CNTN5: variants seen among roughly 807,000 people sequenced by gnomAD.
The protein encoded by CNTN5 is contactin 5, also known as contactin-5.
In CNTN5, 77 loss-of-function variants were observed where a neutral mutation model predicts 129.1. That is an observed-to-expected ratio of 0.60 (90% CI 0.50 to 0.72). The LOEUF is 0.72. CNTN5 is among the 30% of genes least tolerant of loss of function. CNTN5 has a pLI of 0.00. For synonymous variants in CNTN5, 509 were observed against 465.6 expected, an observed-to-expected ratio of 1.09 and a Z score of -1.20; for missense variants, 1,478 against 1,328.8, an observed-to-expected ratio of 1.11 and a Z score of -1.75.
chr11:100,141,766 T>C (rs1946703337), intron 13 of CNTN5, among the ~76,000 whole-genome samples: 1 of 152,184 alleles, frequency 6.6e-6, no homozygotes, highest in South Asian at 2.1e-4. Context: ...AGCATATGTG[T>C]AATTTATGGT....
chr11:99,610,130 C>A (rs1249085018), intron 3 of CNTN5, among the ~76,000 whole-genome samples: 3 of 152,106 alleles, frequency 2.0e-5, no homozygotes, highest in Non-Finnish European at 2.9e-5. Context: ...AACACTTAAC[C>A]CTGCTTTCTA....
intron 3 of CNTN5, among the ~76,000 whole-genome samples, chr11:99,710,846 T>A (rs1954956039): frequency 1.3e-5 from 2 of 151,922 alleles, no homozygotes; most frequent in South Asian, 4.1e-4. Context: ...CCTTTAGAAG[T>A]AAATTTTATG....
chr11:99,533,248 T>C (rs1442792166), intron 2 of CNTN5, among the ~76,000 whole-genome samples: 1 of 152,060 alleles, frequency 6.6e-6, no homozygotes, highest in African/African-American at 2.4e-5. Context: ...AACAAACAAA[T>C]GACAACAACA....
intron 1 of CNTN5, among the ~76,000 whole-genome samples, chr11:99,074,825 A>G (rs1373948711): frequency 1.3e-5 from 2 of 152,354 alleles, no homozygotes; most frequent in African/African-American, 4.8e-5. Context: ...TCAAAAAGAA[A>G]AAGAAAAAGA....
chr11:100,046,054 C>T (rs1245572211), intron 9 of CNTN5, among the ~76,000 whole-genome samples: 1 of 147,494 alleles, frequency 6.8e-6, no homozygotes, highest in Non-Finnish European at 1.5e-5. Context: ...TGTGCTGCAC[C>T]CATTAACTCA....
intron 1 of CNTN5, among the ~76,000 whole-genome samples, chr11:99,214,408 TA>T (rs1237461708): frequency 6.7e-6 from 1 of 148,510 alleles, no homozygotes; most frequent in African/African-American, 2.4e-5. Flanking sequence ...TAAATATATA[TA>T]TATATAATGT....
At position 99,574,898 on chromosome 11, in the gene CNTN5, A is replaced by G. The variant is rs185904356; in HGVS notation, c.55+18629A>G. Among the ~76,000 whole-genome samples, 28 of 152,188 alleles carry G rather than the reference A, an allele frequency of 1.8e-4. 1 individual carries two copies. The highest frequency in any genetic ancestry group is 3.7e-4 in the Non-Finnish European group (25 of 67,978). On this transcript the variant is annotated intron_variant, in intron 3 of 24. Coordinates refer to ENST00000524871, the MANE Select transcript of CNTN5 (RefSeq NM_014361.4). ...TTCTGATGATAGTTTCTTTTGCTGT[A>G]CAGAAGCTCTTTAGTCAGAAATGAC...
chr11:100,168,861 C>T (rs1947736273), intron 13 of CNTN5, among the ~76,000 whole-genome samples: 2 of 151,908 alleles, frequency 1.3e-5, no homozygotes, highest in African/African-American at 2.4e-5. Flanking sequence ...CCATTAAGAA[C>T]ATTCATAGTT....
intron 13 of CNTN5, among the ~76,000 whole-genome samples, chr11:100,149,836 G>A (rs1946991762): frequency 1.3e-5 from 2 of 149,420 alleles, no homozygotes; most frequent in Non-Finnish European, 1.5e-5. Context: ...GGAGCTTGCA[G>A]TGAGCCGAGC....
intron 2 of CNTN5, among the ~76,000 whole-genome samples, chr11:99,380,551 T>C (rs1282877699): frequency 6.6e-6 from 1 of 151,952 alleles, no homozygotes; most frequent in Non-Finnish European, 1.5e-5. Flanking sequence ...AGGTGGATCA[T>C]CTGAGGTCAG....
chr11:100,279,789 A>G (rs568966151), intron 18 of CNTN5, among the ~76,000 whole-genome samples: 2 of 149,548 alleles, frequency 1.3e-5, no homozygotes, highest in South Asian at 4.2e-4. Flanking sequence ...TCTTCATTTC[A>G]TTTATTTCTG....
rs189866883 is a variant in CNTN5, at chr11:99,665,941, A to G, written c.55+109672A>G. 4.3e-5 allele frequency among the ~76,000 whole-genome samples: 6 copies of G among 140,036 alleles called. No homozygotes were observed. In the East Asian group the frequency reaches 1.2e-3, roughly 28 times the overall value. The allele number at this position is 140,036 out of a possible 152,430, so 91.9% of individuals were successfully genotyped here. ...CTTAGAAGAAGAGCACAATTATCAAATTGTTAACTGTTTTTTTTTGTTTTT... is the reference window on the plus strand; with the variant it reads ...CTTAGAAGAAGAGCACAATTATCAAGTTGTTAACTGTTTTTTTTTGTTTTT... On this transcript the variant is annotated intron_variant, in intron 3 of 24. Transcript: ENST00000524871.
chr11:99,238,676 T>C (rs1350139381), intron 1 of CNTN5, among the ~76,000 whole-genome samples: 1 of 152,110 alleles, frequency 6.6e-6, no homozygotes, highest in African/African-American at 2.4e-5. Flanking sequence ...TTTGTCAAAA[T>C]TTTCACTAAG....
At chr11:100,214,918 C>A (rs1001874233) in intron 15 of CNTN5, among the ~76,000 whole-genome samples, 1 of 152,164 alleles carries the variant, frequency 6.6e-6, no homozygotes, top group Non-Finnish European at 1.5e-5. Context: ...AGTTGCTAAG[C>A]CTTCAGCTGG....
intron 4 of CNTN5, among the ~76,000 whole-genome samples, chr11:99,839,235 A>G (rs1022738503): frequency 5.9e-5 from 9 of 152,196 alleles, no homozygotes; most frequent in African/African-American, 1.7e-4. Context: ...ACTTCAAGAC[A>G]AATATCAGTT....
intron 2 of CNTN5, among the ~76,000 whole-genome samples, chr11:99,542,006 C>A (rs1319486183): frequency 5.0e-5 from 7 of 140,920 alleles, no homozygotes; most frequent in African/African-American, 7.9e-5. Flanking sequence ...AATGTGGGGA[C>A]AAATATTTTC....
chr11:100,344,945 T>C (rs1952246154), intron 23 of CNTN5, among the ~76,000 whole-genome samples: 1 of 152,120 alleles, frequency 6.6e-6, no homozygotes, highest in Non-Finnish European at 1.5e-5. Flanking sequence ...ATAAAAAATA[T>C]ATCAGTACAT....
At chr11:99,675,298 C>G (rs537451487) in intron 3 of CNTN5, among the ~76,000 whole-genome samples, 1 of 152,122 alleles carries the variant, frequency 6.6e-6, no homozygotes, top group East Asian at 1.9e-4. Context: ...TTGTAGATTT[C>G]TGAGAATTTT....
At chr11:100,102,595 G>A (rs1243835649) in intron 13 of CNTN5, among the ~76,000 whole-genome samples, 1 of 71,596 alleles carries the variant, frequency 1.4e-5, no homozygotes, top group African/African-American at 1.4e-4. Context: ...GGTGCCAAAT[G>A]TAAAAAGTGG....
Sources: gnomAD v4.1 joint callset for allele counts (sites outside exome capture counted in the v4.1 genomes callset) on GRCh38, gnomAD v4.1.1 for gene constraint, MANE v1.5 for transcripts, NCBI Gene and HGNC (gene_info 2026-07-23, HGNC 2026-07-21) for gene names.